Variants in ADM observed in about 807,000 individuals in gnomAD.
ADM encodes the protein adrenomedullin, also known as pro-adrenomedullin.
A neutral mutation model predicts 9.0 loss-of-function variants in ADM; 4 were observed. That is an observed-to-expected ratio of 0.44 (90% CI 0.22 to 1.02). ADM has a LOEUF of 1.02. ADM is among the 50% of genes least tolerant of loss of function. The probability of loss-of-function intolerance (pLI) is 0.24; values close to 1 mark genes in which losing one functional copy is unlikely to be tolerated. For synonymous variants in ADM, 107 were observed against 107.2 expected (o/e 1.00, Z 0.01); for missense variants, 253 against 254.1 (o/e 1.00, Z 0.03).
At position 10,306,057 on chromosome 11, in the gene ADM, G is replaced by T; in HGVS notation, c.207G>T (p.Arg69=). 1.9e-6 allele frequency: 3 copies of T among 1,613,998 alleles called. No homozygotes were observed. The highest frequency in any genetic ancestry group is 2.5e-6 in the Non-Finnish European group (3 of 1,180,016). The part of the protein sequence containing the change: ...VKAGPAQTLI[R]PQDMKGASRS... ...CCGGGCCTGCCCAGACCCTTATTCGGCCCCAGGACATGAAGGGTGCCTCTC... is the reference window on the plus strand; with the variant it reads ...CCGGGCCTGCCCAGACCCTTATTCGTCCCCAGGACATGAAGGGTGCCTCTC... Residue 69 remains arginine (R), a synonymous_variant, in exon 3 of 4, where the codon CGG becomes CGT. Coordinates refer to ENST00000278175, the MANE Select transcript of ADM (RefSeq NM_001124.3).
intron 3 of ADM, 54 bp from the exon 4 acceptor site, chr11:10,306,278 G>T (rs1164562224): frequency 6.3e-7 from 1 of 1,589,900 alleles, no homozygotes; most frequent in Non-Finnish European, 8.6e-7. Context: ...TGGGGCCAAA[G>T]CTCTGCTTGA....
In ADM at chr11:10,306,537, C is replaced by T; in HGVS notation, c.454C>T (p.Arg152Cys). ...SPQGYGRRRR[R>C]SLPEAGPGRT... ...CCAGGGCTACGGCCGCCGGCGCCGG[C>T]GCTCCCTGCCCGAGGCCGGCCCGGG... The change falls in exon 4 of 4, where the codon CGC (arginine) becomes TGC (cysteine). Residue 152 changes from arginine to cysteine, a missense_variant. Transcript: ENST00000278175. 1 of 1,612,146 alleles carries T rather than the reference C, an allele frequency of 6.2e-7. No individual in the cohort carries two copies. Among genetic ancestry groups the T allele is most frequent in the Non-Finnish European group, 8.5e-7 (1 of 1,179,352 alleles).
Position 10,305,662 on chromosome 11 carries a change from C to G in ADM, c.-21-18C>G, listed in dbSNP as rs1964645623. ...CTGGCCCGGGTGCTCACGCTCGACTCTCTTTCTTCTTTTCCAGGGTCTGCG... is the reference window on the plus strand; with the variant it reads ...CTGGCCCGGGTGCTCACGCTCGACTGTCTTTCTTCTTTTCCAGGGTCTGCG... On this transcript the variant is annotated intron_variant, in intron 1 of 3. Transcript: ENST00000278175. The G allele has an allele frequency of 1.2e-6, 2 of 1,605,028 alleles. No homozygotes were observed. The highest frequency in any genetic ancestry group is 4.5e-5 in the East Asian group (2 of 44,770).
At position 10,306,703 on chromosome 11, in the gene ADM, C is replaced by G. The variant is rs1964664687; in HGVS notation, c.*62C>G. 10 of 1,462,956 alleles carry G rather than the reference C, an allele frequency of 6.8e-6. No homozygotes were observed. Among genetic ancestry groups the G allele is most frequent in the African/African-American group, 1.4e-5 (1 of 70,102 alleles). 90.6% of individuals were successfully genotyped at this position (1,462,956 alleles called of 1,614,324 possible). A position where few individuals can be genotyped will look rare whatever the true frequency, so the allele number is the denominator to read the frequency against. On this transcript the variant is annotated 3_prime_UTR_variant, in exon 4 of 4. Transcript: ENST00000278175. Reference sequence around the variant, plus strand: ...AGCATCCCGCTGGTGCCTCCCGGGACGAAGGACTTCCCGAGCGGTGTGGGG... The same window carrying G: ...AGCATCCCGCTGGTGCCTCCCGGGAGGAAGGACTTCCCGAGCGGTGTGGGG...
chr11:10,306,944 G>A lies in ADM; in HGVS notation c.*303G>A, dbSNP rs556649284. 3.0e-5 allele frequency: 9 copies of A among 298,520 alleles called. No individual in the cohort carries two copies. The highest frequency in any genetic ancestry group is 5.2e-5 in the Admixed American group (1 of 19,318). 18.5% of individuals were successfully genotyped at this position (298,520 alleles called of 1,614,324 possible). A position where few individuals can be genotyped will look rare whatever the true frequency, so the allele number is the denominator to read the frequency against. ...AATGAATGCTGAGACCCCCGGAGCA[G>A]GGGTCTGAGCCACAGCCGTGCTCGC... On this transcript the variant is annotated 3_prime_UTR_variant, in exon 4 of 4. Transcript: ENST00000278175.
In ADM at chr11:10,306,802, G is replaced by C. The variant is rs1964666274; in HGVS notation, c.*161G>C. 3.0e-6 allele frequency: 2 copies of C among 656,754 alleles called. No individual in the cohort carries two copies. Among genetic ancestry groups the C allele is most frequent in the Non-Finnish European group, 4.8e-6 (2 of 415,292 alleles). 40.7% of individuals were successfully genotyped at this position (656,754 alleles called of 1,614,324 possible). A position where few individuals can be genotyped will look rare whatever the true frequency, so the allele number is the denominator to read the frequency against. Reference sequence around the variant, plus strand: ...CCGGCGGCGAGCTCTGGCTTTGCAAGGGCCCCTCCTTCTGGGGGCTTCGCT... The same window carrying C: ...CCGGCGGCGAGCTCTGGCTTTGCAACGGCCCCTCCTTCTGGGGGCTTCGCT... On this transcript the variant is annotated 3_prime_UTR_variant, in exon 4 of 4. Coordinates refer to ENST00000278175, the MANE Select transcript of ADM (RefSeq NM_001124.3).
Position 10,306,932 on chromosome 11 carries a change from A to C in ADM, c.*291A>C. The C allele has an allele frequency of 6.6e-6, 2 of 301,266 alleles. No homozygotes were observed. The highest frequency in any genetic ancestry group is 6.1e-6 in the Non-Finnish European group (1 of 164,412). The allele number at this position is 301,266 out of a possible 1,614,324, so 18.7% of individuals were successfully genotyped here. The stretch of plus-strand genomic sequence containing the variant: ...GAGAAACTGAGAAATGAATGCTGAG[A>C]CCCCCGGAGCAGGGGTCTGAGCCAC... On this transcript the variant is annotated 3_prime_UTR_variant, in exon 4 of 4. Coordinates refer to ENST00000278175, the MANE Select transcript of ADM (RefSeq NM_001124.3).
rs1396269493 is a variant in ADM at position 10,306,608 on chromosome 11, C to A, written c.525C>A (p.Ala175=). The change falls in exon 4 of 4, where the codon GCC becomes GCA. Residue 175 remains alanine (A), a synonymous_variant. Transcript: ENST00000278175. ...SSKPQAHGAP[A]PPSGSAPHFL ...AGCCACAAGCACACGGGGCTCCAGC[C>A]CCCCCGAGTGGAAGTGCTCCCCACT... 3 of 1,567,410 alleles carry A rather than the reference C, an allele frequency of 1.9e-6. No homozygotes were observed. Among genetic ancestry groups the A allele is most frequent in the Middle Eastern group, 1.7e-4 (1 of 5,836 alleles).
intron 3 of ADM, 67 bp from the exon 4 acceptor site, chr11:10,306,265 T>C (rs1181457509): frequency 6.4e-7 from 1 of 1,568,394 alleles, no homozygotes; most frequent in Admixed American, 1.7e-5. Flanking sequence ...CCGTTCCCGG[T>C]GTTGGGGCCA....
In ADM at chr11:10,306,934, C is replaced by T. The variant is rs931613738; in HGVS notation, c.*293C>T. On this transcript the variant is annotated 3_prime_UTR_variant, in exon 4 of 4. Coordinates refer to ENST00000278175, the MANE Select transcript of ADM (RefSeq NM_001124.3). The stretch of plus-strand genomic sequence containing the variant: ...GAAACTGAGAAATGAATGCTGAGAC[C>T]CCCGGAGCAGGGGTCTGAGCCACAG... 9.6e-6 allele frequency: 3 copies of T among 311,454 alleles called. No homozygotes were observed. Among genetic ancestry groups the T allele is most frequent in the South Asian group, 2.0e-4 (2 of 9,990 alleles). The allele number at this position is 311,454 out of a possible 1,614,324, so 19.3% of individuals were successfully genotyped here.
intron 3 of ADM, 93 bp downstream of exon 3, chr11:10,306,191 G>A: frequency 4.5e-6 from 7 of 1,549,982 alleles, no homozygotes; most frequent in Non-Finnish European, 6.1e-6. Context: ...GGGGATCGTC[G>A]GGGCTGGACC....
intron 3 of ADM, 80 bp from the exon 4 acceptor site, chr11:10,306,252 C>A (rs1271302826): frequency 1.3e-6 from 2 of 1,557,518 alleles, no homozygotes; most frequent in Admixed American, 1.8e-5. Flanking sequence ...TCTAGAATGG[C>A]TCCCGTTCCC....
rs1964673547 is a variant in ADM, at chr11:10,307,318, AAC to A, written c.*680_*681del. 6.5e-6 allele frequency: 1 copy of A among 152,674 alleles called. No individual in the cohort carries two copies. The highest frequency in any genetic ancestry group is 1.5e-5 in the Non-Finnish European group (1 of 68,038). The allele number at this position is 152,674 out of a possible 1,614,324, so 9.5% of individuals were successfully genotyped here. A position where few individuals can be genotyped will look rare whatever the true frequency, so the allele number is the denominator to read the frequency against. ...GATTACCTCCTGTGTGGAAGAAGGA[AAC>A]ACCGAGTCTCTGTATAATCTATTTA... On this transcript the variant is annotated 3_prime_UTR_variant, in exon 4 of 4. Coordinates refer to ENST00000278175, the MANE Select transcript of ADM (RefSeq NM_001124.3). The surrounding 1 kb of genome is among the most constrained non-coding windows in gnomAD (Gnocchi z 4.5).
Position 10,306,173 on chromosome 11 carries a change from C to G in ADM, c.248+75C>G, listed in dbSNP as rs13306113. The G allele has an allele frequency of 4.2e-3, 6,594 of 1,574,326 alleles. 99 individuals are homozygous for G. The highest frequency in any genetic ancestry group is 0.033 in the East Asian group (1,442 of 43,920). ...GGAGGAGTTCTCTGTCTCCACTCCC[C>G]TGGCCCGGGGGATCGTCGGGGCTGG... is the stretch of plus-strand genomic sequence containing the variant. On this transcript the variant is annotated intron_variant, in intron 3 of 3. Transcript: ENST00000278175.
rs1373308992 is a variant in ADM at position 10,305,813 on chromosome 11, C to A, written c.98+15C>A. 3 of 1,613,906 alleles carry A rather than the reference C, an allele frequency of 1.9e-6. No individual in the cohort carries two copies. On this transcript the variant is annotated intron_variant, in intron 2 of 3. Coordinates refer to ENST00000278175, the MANE Select transcript of ADM (RefSeq NM_001124.3). Reference sequence around the variant, plus strand: ...TTTCGAAAGAAGTGAGTCCGGGCAGCGCCTTCCCCCTTGCTGGTACCTGGC... The same window carrying A: ...TTTCGAAAGAAGTGAGTCCGGGCAGAGCCTTCCCCCTTGCTGGTACCTGGC...
chr11:10,306,107 G>T lies in ADM; in HGVS notation c.248+9G>T, dbSNP rs1421027587. ...CGAAGCCCCGAAGACAGGTAACTAC[G>T]CCCTGTGCTGTCCAGGGACGGGAGG... On this transcript the variant is annotated intron_variant, in intron 3 of 3. Coordinates refer to ENST00000278175, the MANE Select transcript of ADM (RefSeq NM_001124.3). 2 of 1,613,598 alleles carry T rather than the reference G, an allele frequency of 1.2e-6. No individual in the cohort carries two copies. The highest frequency in any genetic ancestry group is 1.7e-6 in the Non-Finnish European group (2 of 1,179,942).
At chr11:10,306,143 G>A (rs781171788) in intron 3 of ADM, 45 bp downstream of exon 3, 27 of 1,602,442 alleles carry the variant, frequency 1.7e-5, no homozygotes, top group Non-Finnish European at 2.2e-5. Context: ...GAAGGAAGGT[G>A]TGCGGGAGGA....
Position 10,306,821 on chromosome 11 carries a change from C to A in ADM, c.*180C>A. The A allele has an allele frequency of 1.8e-6, 1 of 566,290 alleles. No individual in the cohort carries two copies. The highest frequency in any genetic ancestry group is 3.0e-6 in the Non-Finnish European group (1 of 338,486). The allele number at this position is 566,290 out of a possible 1,614,324, so 35.1% of individuals were successfully genotyped here. On this transcript the variant is annotated 3_prime_UTR_variant, in exon 4 of 4. Coordinates refer to ENST00000278175, the MANE Select transcript of ADM (RefSeq NM_001124.3). The stretch of plus-strand genomic sequence containing the variant: ...TTGCAAGGGCCCCTCCTTCTGGGGG[C>A]TTCGCTTCCTTAGCCTTGCTCAGGT...
chr11:10,305,574 G>A, intron 1 of ADM, 106 bp from the exon 2 acceptor site: 8 of 889,364 alleles, frequency 9.0e-6, no homozygotes, highest in Non-Finnish European at 1.4e-5. Flanking sequence ...CAGGGAAAGC[G>A]CGGGCTAAAC....
Sources: allele counts gnomAD v4.1 joint callset, GRCh38; gene constraint gnomAD v4.1.1; non-coding constraint Gnocchi (gnomAD v3.1); transcripts MANE v1.5; gene names NCBI Gene and HGNC (gene_info 2026-07-23, HGNC 2026-07-21).